The following CLIC2 variants were observed in gnomAD, a reference collection of about 807,000 sequenced individuals.
CLIC2 encodes CLIC family member 2.
A neutral mutation model predicts 14.8 loss-of-function variants in CLIC2; 9 were observed. The observed-to-expected ratio is 0.61, with a 90% confidence interval of 0.37 to 1.06. The LOEUF (loss-of-function observed/expected upper bound fraction) is 1.06, where lower values mean the gene tolerates loss of function less well. CLIC2 is among the 50% of genes least tolerant of loss of function. CLIC2 has a pLI of 0.01. For synonymous variants in CLIC2, 61 were observed against 66.3 expected, an observed-to-expected ratio of 0.92 and a Z score of 0.39; for missense variants, 148 against 181.4, an observed-to-expected ratio of 0.82 and a Z score of 1.06.
intron 1 of CLIC2, among the ~76,000 whole-genome samples, chrX:155,317,760 A>G (rs2075100176): frequency 1.8e-5 from 2 of 111,827 alleles, no homozygotes; most frequent in Admixed American, 1.9e-4. Context: ...AAAAAAAGAA[A>G]ACTACAGACC....
chrX:155,296,116 A>G (rs997758416), intron 3 of CLIC2, among the ~76,000 whole-genome samples: 14 of 112,334 alleles, frequency 1.2e-4, no homozygotes, highest in Non-Finnish European at 2.1e-4. Flanking sequence ...ACTTTGAAAT[A>G]TATTACAAGG....
intron 1 of CLIC2, among the ~76,000 whole-genome samples, chrX:155,328,254 G>A (rs1157384684): frequency 9.0e-6 from 1 of 110,749 alleles, no homozygotes; most frequent in Non-Finnish European, 1.9e-5. Flanking sequence ...TCTTATATTT[G>A]GAAAAACCTA....
At chrX:155,328,237 G>T (rs1172559772) in intron 1 of CLIC2, among the ~76,000 whole-genome samples, 2 of 111,031 alleles carry the variant, frequency 1.8e-5, no homozygotes, top group Non-Finnish European at 3.8e-5. Flanking sequence ...GTTTGCAGAT[G>T]ATATGATCTT....
At chrX:155,298,678 G>C in intron 3 of CLIC2, 107 bp downstream of exon 3, 1 of 896,561 alleles carries the variant, frequency 1.1e-6, no homozygotes, top group Non-Finnish European at 1.6e-6. Context: ...TGACATGTAG[G>C]CCCAGAAATC....
chrX:155,314,419 A>G (rs1315585173), intron 1 of CLIC2, among the ~76,000 whole-genome samples: 1 of 112,313 alleles, frequency 8.9e-6, no homozygotes, highest in Non-Finnish European at 1.9e-5. Context: ...CTCTTTGCAG[A>G]TACTCTCCAG....
At chrX:155,323,829 CAA>C (rs1963710340) in intron 1 of CLIC2, among the ~76,000 whole-genome samples, 1 of 112,435 alleles carries the variant, frequency 8.9e-6, no homozygotes, top group Admixed American at 9.4e-5. Context: ...GCAACTTCAG[CAA>C]AGTCTCAGGA....
chrX:155,292,110 A>G (rs141552257), intron 3 of CLIC2: 2 of 565,760 alleles, frequency 3.5e-6, no homozygotes, highest in African/African-American at 4.5e-5. Flanking sequence ...TTTAGTTACT[A>G]TCCAGCATAA....
intron 3 of CLIC2, among the ~76,000 whole-genome samples, chrX:155,297,162 A>T (rs1173394483): frequency 8.9e-6 from 1 of 112,099 alleles, no homozygotes; most frequent in Non-Finnish European, 1.9e-5. Context: ...ATTTGGAACA[A>T]CATGGATGGA....
intron 3 of CLIC2, among the ~76,000 whole-genome samples, chrX:155,286,333 C>A (rs1476724671): frequency 8.9e-6 from 1 of 112,452 alleles, no homozygotes; most frequent in Non-Finnish European, 1.9e-5. Context: ...TGGCTGCATA[C>A]TATTCCATGG....
chrX:155,326,662 C>T (rs1204530858), intron 1 of CLIC2, among the ~76,000 whole-genome samples: 2 of 111,076 alleles, frequency 1.8e-5, no homozygotes, highest in African/African-American at 6.6e-5. Flanking sequence ...TGTAATAACC[C>T]AAAACTAGTG....
At chrX:155,323,817 A>C (rs1285435074) in intron 1 of CLIC2, among the ~76,000 whole-genome samples, 3 of 112,550 alleles carry the variant, frequency 2.7e-5, no homozygotes, top group African/African-American at 9.7e-5. Context: ...TTAAGCTGAT[A>C]AGCAACTTCA....
chrX:155,287,554 G>C (rs1023262570), intron 3 of CLIC2, among the ~76,000 whole-genome samples: 1 of 111,055 alleles, frequency 9.0e-6, no homozygotes, highest in Non-Finnish European at 1.9e-5. Flanking sequence ...GGCTGATCTG[G>C]AACAGCTGAC....
At chrX:155,334,319 G>A (rs370302600) in intron 1 of CLIC2, 52 bp downstream of exon 1, 22 of 947,553 alleles carry the variant, frequency 2.3e-5, no homozygotes, top group South Asian at 5.8e-5. Context: ...TTGGACTTCA[G>A]TGTCAAAAAC....
intron 3 of CLIC2, among the ~76,000 whole-genome samples, chrX:155,286,333 C>G (rs1476724671): frequency 8.9e-6 from 1 of 112,505 alleles, no homozygotes; most frequent in African/African-American, 3.2e-5. Flanking sequence ...TGGCTGCATA[C>G]TATTCCATGG....
At chrX:155,302,118 C>G (rs1442934224) in intron 1 of CLIC2, among the ~76,000 whole-genome samples, 2 of 105,665 alleles carry the variant, frequency 1.9e-5, no homozygotes, top group East Asian at 6.2e-4. Context: ...AGGATTCCCT[C>G]TTTTTCTATT....
intron 3 of CLIC2, among the ~76,000 whole-genome samples, chrX:155,282,078 A>G (rs1483296107): frequency 9.0e-6 from 1 of 111,451 alleles, no homozygotes; most frequent in Non-Finnish European, 1.9e-5. Flanking sequence ...CACTCGCTCA[A>G]TTATGACACA....
At position 155,334,452 on chromosome X, in the gene CLIC2, G is replaced by A. The variant is rs1557323117; in HGVS notation, c.-25C>T. On this transcript the variant is annotated 5_prime_UTR_variant, in exon 1 of 6. Transcript: ENST00000369449. ...TCTTTGTCTTTACTGCCAGTTGTCA[G>A]CCTCCTGCCTCCTGTAGAGTCCACA... 4.4e-6 allele frequency: 5 copies of A among 1,148,355 alleles called. No homozygotes were observed. In the Admixed American group the frequency reaches 8.7e-5, roughly 20 times the overall value. 94.6% of individuals were successfully genotyped at this position (1,148,355 alleles called of 1,213,427 possible). A position where few individuals can be genotyped will look rare whatever the true frequency, so the allele number is the denominator to read the frequency against.
intron 1 of CLIC2, among the ~76,000 whole-genome samples, chrX:155,300,745 G>A (rs1419382074): frequency 0.011 from 1,001 of 94,727 alleles, 9 homozygotes; most frequent in Non-Finnish European, 0.018. Flanking sequence ...ATCTTGAATT[G>A]ATTTTTGTAT....
rs1557322991 is a variant in CLIC2, at chrX:155,333,136, T to C, written c.57+1235A>G. Among the ~76,000 whole-genome samples, 3 of 112,018 alleles carry C rather than the reference T, an allele frequency of 2.7e-5. No individual in the cohort carries two copies. In the South Asian group the frequency reaches 1.1e-3, roughly 41 times the overall value. On this transcript the variant is annotated intron_variant, in intron 1 of 5. Transcript: ENST00000369449. Reference sequence around the variant, plus strand: ...AGGTTGATGATGTCCTTGGTGTATATATGTGACAAGCTGTTAAATAATCTA... The same window carrying C: ...AGGTTGATGATGTCCTTGGTGTATACATGTGACAAGCTGTTAAATAATCTA...
Sources: gnomAD v4.1 joint callset for allele counts (sites outside exome capture counted in the v4.1 genomes callset) on GRCh38, gnomAD v4.1.1 for gene constraint, MANE v1.5 for transcripts, NCBI Gene and HGNC (gene_info 2026-07-23, HGNC 2026-07-21) for gene names.